Variants in DYNC1I1 observed in about 807,000 individuals in gnomAD.
The protein encoded by DYNC1I1 is dynein cytoplasmic 1 intermediate chain 1.
In DYNC1I1, 43 loss-of-function variants were observed where a neutral mutation model predicts 86.6. The observed-to-expected ratio is 0.50, with a 90% CI of 0.39 to 0.64. The LOEUF (loss-of-function observed/expected upper bound fraction) is 0.64, where lower values mean the gene tolerates loss of function less well. Among genes scored for constraint, DYNC1I1 ranks in the 30% least tolerant of loss-of-function variants. The pLI, the probability that DYNC1I1 is intolerant of heterozygous loss-of-function variation, is 0.00. For missense variants in DYNC1I1, 604 were observed against 788.8 expected (o/e 0.77, Z 2.81); for synonymous variants, 262 against 283.7 (o/e 0.92, Z 0.77).
intron 6 of DYNC1I1, among the ~76,000 whole-genome samples, chr7:95,878,790 G>A (rs375615971): frequency 9.2e-5 from 14 of 151,998 alleles, no homozygotes; most frequent in East Asian, 3.9e-4. Context: ...TAGTACAAAT[G>A]CTGAAACCCA....
chr7:95,836,581 T>C (rs1160639285), intron 5 of DYNC1I1, among the ~76,000 whole-genome samples: 1 of 151,350 alleles, frequency 6.6e-6, no homozygotes, highest in Non-Finnish European at 1.5e-5. Context: ...TTGGTTCCAT[T>C]CTCCCCGTCA....
intron 16 of DYNC1I1, among the ~76,000 whole-genome samples, chr7:96,081,831 G>A (rs960538704): frequency 1.3e-5 from 2 of 152,060 alleles, no homozygotes; most frequent in African/African-American, 4.8e-5. Context: ...CAAGCTAGAC[G>A]GTGTTTTTTA....
chr7:96,028,945 A>G (rs544810052), intron 11 of DYNC1I1, among the ~76,000 whole-genome samples: 7 of 152,262 alleles, frequency 4.6e-5, no homozygotes, highest in Admixed American at 2.0e-4. Flanking sequence ...GTGTACAGCA[A>G]TTGTTCAGAG....
At position 95,781,907 on chromosome 7, in the gene DYNC1I1, C is replaced by T. The variant is rs536756529; in HGVS notation, c.-10+9134C>T. Among the ~76,000 whole-genome samples the T allele has an allele frequency of 5.3e-5, 8 of 152,172 alleles. No homozygotes were observed. In the East Asian group the frequency reaches 1.4e-3, roughly 26 times the overall value. ...GGAAGGTGAAAAGTAACCAGAATTC[C>T]GACTCATTGGAGTGAATTTGATCAG... On this transcript the variant is annotated intron_variant, in intron 1 of 16. Transcript: ENST00000447467.
intron 5 of DYNC1I1, among the ~76,000 whole-genome samples, chr7:95,830,755 C>A (rs1795303476): frequency 6.6e-6 from 1 of 152,116 alleles, no homozygotes; most frequent in Non-Finnish European, 1.5e-5. Flanking sequence ...ATAGTAGATA[C>A]ACATTTAACT....
intron 1 of DYNC1I1, 66 bp from the exon 2 acceptor site, chr7:95,804,655 T>G: frequency 7.0e-7 from 1 of 1,432,424 alleles, no homozygotes; most frequent in Non-Finnish European, 9.2e-7. Context: ...TTTAAAATGA[T>G]TTTTGCAATG....
intron 5 of DYNC1I1, among the ~76,000 whole-genome samples, chr7:95,866,199 C>T (rs1284723070): frequency 6.6e-6 from 1 of 152,176 alleles, no homozygotes; most frequent in Non-Finnish European, 1.5e-5. Context: ...CCTTTCTGGA[C>T]TGGCTAGGGC....
chr7:96,100,683 G>GTGTGTGTGTGTGTGTGTGTGT (rs1242772590), downstream of DYNC1I1, among the ~76,000 whole-genome samples: 1 of 66,454 alleles, frequency 1.5e-5, no homozygotes. Flanking sequence ...TGTGTGTGTG[G>GTGTGTGTGTGTGTGTGTGTGT]TAAGGAAGAG....
intron 11 of DYNC1I1, 87 bp downstream of exon 11, chr7:96,028,408 G>A: frequency 1.3e-6 from 2 of 1,488,838 alleles, no homozygotes; most frequent in Non-Finnish European, 1.8e-6. Context: ...GATGTTTTCA[G>A]TAATGCCAAG....
At chr7:96,003,279 T>C (rs1256717294) in intron 10 of DYNC1I1, among the ~76,000 whole-genome samples, 1 of 152,342 alleles carries the variant, frequency 6.6e-6, no homozygotes, top group South Asian at 2.1e-4. Context: ...GATGGCCCCA[T>C]GCCCCAGCTT....
intron 6 of DYNC1I1, among the ~76,000 whole-genome samples, chr7:95,944,005 A>G (rs1333672992): frequency 6.6e-6 from 1 of 152,246 alleles, no homozygotes; most frequent in Non-Finnish European, 1.5e-5. Context: ...AATGGCAACA[A>G]AAGCCAAAAT....
Position 96,032,672 on chromosome 7 carries a change from C to T in DYNC1I1, c.1122C>T (p.Pro374=), listed in dbSNP as rs546736812. Residue 374 remains proline (P), a synonymous_variant, in exon 12 of 17, where the codon CCC becomes CCT. Transcript: ENST00000447467. ...CTTTGTTTATGTTTTTGCAGCATCC[C>T]GTGTACTGTGTAAATGTTGTTGGGA... The part of the protein sequence containing the change: ...TPLSAAAHTH[P]VYCVNVVGTQ... 1.6e-5 allele frequency: 26 copies of T among 1,612,618 alleles called. No homozygotes were observed. Among genetic ancestry groups the T allele is most frequent in the East Asian group, 1.6e-4 (7 of 44,842 alleles).
At chr7:95,979,420 T>G (rs1005934571) in intron 7 of DYNC1I1, among the ~76,000 whole-genome samples, 2 of 152,216 alleles carry the variant, frequency 1.3e-5, no homozygotes, top group African/African-American at 4.8e-5. Context: ...AAGTGCTGTA[T>G]AAAAGTTTGC....
At position 96,097,956 on chromosome 7, in the gene DYNC1I1, G is replaced by C; in HGVS notation, c.*363G>C. 1 of 1,014,784 alleles carries C rather than the reference G, an allele frequency of 9.9e-7. No homozygotes were observed. Among genetic ancestry groups the C allele is most frequent in the Non-Finnish European group, 1.2e-6 (1 of 847,178 alleles). 62.9% of individuals were successfully genotyped at this position (1,014,784 alleles called of 1,614,324 possible). ...GTCCTATTAAATCCATATGAAGCCA[G>C]ATATGATTGGGTGCAGATGTGGTGT... is the stretch of plus-strand genomic sequence containing the variant. On this transcript the variant is annotated 3_prime_UTR_variant, in exon 17 of 17. Coordinates refer to ENST00000447467, the MANE Select transcript of DYNC1I1 (RefSeq NM_001135556.2).
intron 5 of DYNC1I1, among the ~76,000 whole-genome samples, chr7:95,850,629 C>T (rs1238306005): frequency 6.6e-6 from 1 of 152,148 alleles, no homozygotes; most frequent in Non-Finnish European, 1.5e-5. Context: ...AATGCCTTTT[C>T]CATCTTAACT....
At chr7:95,919,186 A>G (rs187451979) in intron 6 of DYNC1I1, among the ~76,000 whole-genome samples, 25 of 152,286 alleles carry the variant, frequency 1.6e-4, no homozygotes, top group Admixed American at 1.6e-3. Flanking sequence ...ATTCTACTGA[A>G]ATATCTGAAT....
Position 95,986,997 on chromosome 7 carries a change from T to C in DYNC1I1, c.744-59T>C, listed in dbSNP as rs17705339. 0.14 allele frequency: 211,023 copies of C among 1,503,096 alleles called. 15,909 individuals are homozygous for C. Among genetic ancestry groups the C allele is most frequent in the Non-Finnish European group, 0.16 (170,451 of 1,083,042 alleles). The allele number at this position is 1,503,096 out of a possible 1,614,324, so 93.1% of individuals were successfully genotyped here. A position where few individuals can be genotyped will look rare whatever the true frequency, so the allele number is the denominator to read the frequency against. ...CAGGCTTTTGCCATATCAGTGCTTC[T>C]ATATGAGCAGCATAGAGAAAGAGCT... On this transcript the variant is annotated intron_variant, in intron 8 of 16. Transcript: ENST00000447467.
chr7:96,089,869 T>C (rs1394556068), intron 16 of DYNC1I1, among the ~76,000 whole-genome samples: 2 of 152,136 alleles, frequency 1.3e-5, no homozygotes, highest in Non-Finnish European at 2.9e-5. Flanking sequence ...CAGTGGTTGC[T>C]AAGAATTTAT....
At chr7:95,920,447 G>C (rs942134963) in intron 6 of DYNC1I1, among the ~76,000 whole-genome samples, 2 of 152,142 alleles carry the variant, frequency 1.3e-5, no homozygotes, top group African/African-American at 4.8e-5. Flanking sequence ...AACAGAAGAA[G>C]GACATTAGGT....
Sources: gnomAD v4.1 joint callset for allele counts (sites outside exome capture counted in the v4.1 genomes callset) on GRCh38, gnomAD v4.1.1 for gene constraint, MANE v1.5 for transcripts, NCBI Gene and HGNC (gene_info 2026-07-23, HGNC 2026-07-21) for gene names.